MYCBP2: variants seen among roughly 807,000 people sequenced by gnomAD.
The protein encoded by MYCBP2 is MYC binding protein 2.
A neutral mutation model predicts 525.3 loss-of-function variants in MYCBP2; 120 were observed. The ratio of observed to expected loss-of-function variants is 0.23; its 90% CI spans 0.20 to 0.27. The LOEUF (loss-of-function observed/expected upper bound fraction) is 0.27, where lower values mean the gene tolerates loss of function less well. Ranked by LOEUF, MYCBP2 falls within the 10% of genes least tolerant of loss-of-function variation. The pLI is 1.00. For missense variants in MYCBP2, 4,149 were observed against 5,657.1 expected (o/e 0.73, Z 8.55); for synonymous variants, 1,894 against 1,955.8 (o/e 0.97, Z 0.83).
intron 70 of MYCBP2, among the ~76,000 whole-genome samples, chr13:77,068,191 G>C (rs1406522364): frequency 6.6e-6 from 1 of 152,040 alleles, no homozygotes; most frequent in African/African-American, 2.4e-5. Context: ...TTTTGTGAAG[G>C]AAGAAAATAT....
chr13:77,123,824 T>G (rs2051173039), intron 54 of MYCBP2, among the ~76,000 whole-genome samples: 1 of 152,210 alleles, frequency 6.6e-6, no homozygotes, highest in African/African-American at 2.4e-5. Context: ...TGATCTCCCC[T>G]TAGGTATTTT....
At chr13:77,147,648 G>A (rs1279353957) in intron 47 of MYCBP2, among the ~76,000 whole-genome samples, 10 of 151,982 alleles carry the variant, frequency 6.6e-5, no homozygotes, top group Non-Finnish European at 1.2e-4. Context: ...TGAGAAAAAC[G>A]CAAGTTAAGG....
chr13:77,115,468 A>C (rs1258573002), intron 55 of MYCBP2, among the ~76,000 whole-genome samples: 1 of 151,896 alleles, frequency 6.6e-6, no homozygotes, highest in Non-Finnish European at 1.5e-5. Flanking sequence ...GAAATTTGTT[A>C]ACTTTTACTT....
chr13:77,079,148 A>G (rs1009088487), intron 65 of MYCBP2, among the ~76,000 whole-genome samples: 4 of 152,056 alleles, frequency 2.6e-5, no homozygotes, highest in African/African-American at 9.7e-5. Flanking sequence ...TCCTTATTCA[A>G]AGTCTAAATA....
chr13:77,185,386 G>C lies in MYCBP2; in HGVS notation c.4445-9C>G, dbSNP rs2060625364. 6.3e-7 allele frequency: 1 copy of C among 1,597,860 alleles called. No homozygotes were observed. Among genetic ancestry groups the C allele is most frequent in the South Asian group, 1.1e-5 (1 of 88,670 alleles). On this transcript the variant is annotated splice_polypyrimidine_tract_variant and intron_variant, in intron 31 of 82. Coordinates refer to ENST00000544440, the MANE Select transcript of MYCBP2 (RefSeq NM_015057.5). ...AACTGCTTTTCCTGTAGCTTTGAGGGGGAAAAAGCAGATTGGTAATTAAGC... is the reference window on the plus strand; with the variant it reads ...AACTGCTTTTCCTGTAGCTTTGAGGCGGAAAAAGCAGATTGGTAATTAAGC...
At chr13:77,099,678 GAAC>G (rs2046771293) in intron 55 of MYCBP2, 1 of 152,260 alleles carries the variant, frequency 6.6e-6, no homozygotes, top group East Asian at 1.9e-4. Context: ...TAGCTGCTTA[GAAC>G]TCAGAGCCTG....
rs375314778 is a variant in MYCBP2 at position 77,144,497 on chromosome 13, T to C, written c.7251A>G (p.Pro2417=). 1.1e-5 allele frequency: 18 copies of C among 1,613,918 alleles called. No individual in the cohort carries two copies. In the African/African-American group the frequency reaches 2.0e-4, roughly 18 times the overall value. The change falls in exon 49 of 83, where the codon CCA becomes CCG. Residue 2417 remains proline (P), a synonymous_variant. Coordinates refer to ENST00000544440, the MANE Select transcript of MYCBP2 (RefSeq NM_015057.5). ...NDGTYCANWT[P]GAIGLYTLHV... ...GAAGAGTGTAGAGTCCAATAGCCCC[T>C]GGAGTCCAATTTGCACAATAAGTCC...
At chr13:77,207,337 A>G (rs547430515) in intron 23 of MYCBP2, among the ~76,000 whole-genome samples, 1 of 152,232 alleles carries the variant, frequency 6.6e-6, no homozygotes, top group Non-Finnish European at 1.5e-5. Context: ...AGTAAAAACC[A>G]ATTAAAAACT....
chr13:77,128,480 C>T (rs1304076856), intron 52 of MYCBP2, among the ~76,000 whole-genome samples: 1 of 151,790 alleles, frequency 6.6e-6, no homozygotes, highest in Non-Finnish European at 1.5e-5. Context: ...GGAGTTAAGC[C>T]TTGGCACAAC....
At chr13:77,234,891 T>C (rs1380908821) in intron 17 of MYCBP2, among the ~76,000 whole-genome samples, 2 of 152,034 alleles carry the variant, frequency 1.3e-5, no homozygotes, top group Non-Finnish European at 2.9e-5. Context: ...ACAATATTGT[T>C]TCTCCTCATG....
At position 77,158,117 on chromosome 13, in the gene MYCBP2, G is replaced by A; in HGVS notation, c.6598-8C>T. The A allele has an allele frequency of 6.6e-7, 1 of 1,525,750 alleles. No individual in the cohort carries two copies. Among genetic ancestry groups the A allele is most frequent in the South Asian group, 1.3e-5 (1 of 74,962 alleles). The allele number at this position is 1,525,750 out of a possible 1,614,324, so 94.5% of individuals were successfully genotyped here. On this transcript the variant is annotated splice_polypyrimidine_tract_variant and splice_region_variant and intron_variant, in intron 44 of 82. Transcript: ENST00000544440. The stretch of plus-strand genomic sequence containing the variant: ...AGAATGGGTTTTGCACACCTGTTAA[G>A]TAAAAAAGAATATTTATATATTCTT...
Position 77,233,174 on chromosome 13 carries a change from T to G in MYCBP2, c.2719A>C (p.Lys907Gln). ...CAAATACCTTTGTGCTTGTCCCGTT[T>G]ATGCTTTAGCTGTGCTGGATGGGAT... Reference protein sequence around the residue: ...LRSHPAQLKHKRDKHKDGSGE... With the variant: ...LRSHPAQLKHQRDKHKDGSGE... The change falls in exon 18 of 83, where the codon AAA becomes CAA. Residue 907 changes from lysine to glutamine, a missense_variant. Lys to Gln is a moderately conservative substitution (Grantham distance 53, BLOSUM62 1). This residue lies in a region of MYCBP2 where 620 missense variants were observed against 795.5 expected (regional missense o/e 0.78). Coordinates refer to ENST00000544440, the MANE Select transcript of MYCBP2 (RefSeq NM_015057.5). 6.2e-7 allele frequency: 1 copy of G among 1,613,826 alleles called. No homozygotes were observed. Among genetic ancestry groups the G allele is most frequent in the East Asian group, 2.2e-5 (1 of 44,878 alleles).
intron 48 of MYCBP2, 128 bp from the exon 49 acceptor site, chr13:77,144,688 C>T (rs548440345): frequency 7.4e-6 from 5 of 676,092 alleles, no homozygotes; most frequent in Non-Finnish European, 1.3e-5. Flanking sequence ...TGCCATAGTA[C>T]GCTTGCCTAC....
chr13:77,296,218 G>T (rs992469296), intron 2 of MYCBP2, among the ~76,000 whole-genome samples: 1 of 152,018 alleles, frequency 6.6e-6, no homozygotes, highest in Admixed American at 6.5e-5. Flanking sequence ...CCACGAGTTC[G>T]AGACAAGCCT....
intron 17 of MYCBP2, among the ~76,000 whole-genome samples, chr13:77,240,652 G>A (rs540325654): frequency 1.3e-5 from 2 of 152,056 alleles, no homozygotes; most frequent in African/African-American, 4.8e-5. Context: ...ATACAAGCAG[G>A]CATCACTTTG....
intron 1 of MYCBP2, among the ~76,000 whole-genome samples, chr13:77,302,593 A>C (rs965291816): frequency 6.6e-6 from 1 of 152,232 alleles, no homozygotes; most frequent in Non-Finnish European, 1.5e-5. Context: ...GATCCATGAA[A>C]GCTGACATAA....
Position 77,055,567 on chromosome 13 carries a change from TTTG to T in MYCBP2, c.13635_13637del (p.Tyr4545_Lys4546delinsTer), listed in dbSNP as rs2037788578. On this transcript the variant is annotated stop_gained and inframe_deletion, in exon 80 of 83. Transcript: ENST00000544440. LOFTEE classifies it high-confidence loss of function. The stretch of plus-strand genomic sequence containing the variant: ...ATAATTTATAGCATACCTTTCTGCA[TTTG>T]TAGCACACATAATATGCATATCTAT... The T allele has an allele frequency of 6.2e-7, 1 of 1,613,466 alleles. No individual in the cohort carries two copies.
intron 17 of MYCBP2, among the ~76,000 whole-genome samples, chr13:77,234,033 C>T (rs2067521862): frequency 6.6e-6 from 1 of 151,782 alleles, no homozygotes. Context: ...TACATACCCA[C>T]ACAGATTATA....
chr13:77,280,777 T>C (rs946736121), intron 3 of MYCBP2, among the ~76,000 whole-genome samples: 1 of 152,216 alleles, frequency 6.6e-6, no homozygotes, highest in African/African-American at 2.4e-5. Flanking sequence ...TTAGTGAGAC[T>C]GGCCCATAAA....
Sources: gnomAD v4.1 joint callset for allele counts (sites outside exome capture counted in the v4.1 genomes callset) on GRCh38, gnomAD v4.1.1 for gene constraint, gnomAD v4.1.1 regional missense constraint, MANE v1.5 for transcripts, NCBI Gene and HGNC (gene_info 2026-07-23, HGNC 2026-07-21) for gene names.